MEIS2: variants seen among roughly 807,000 people sequenced by gnomAD.
MEIS2 encodes Meis homeobox 2, also known as homeobox protein Meis2.
Under a neutral mutation model 58.6 loss-of-function variants are expected in MEIS2, and 9 were observed. The ratio of observed to expected loss-of-function variants is 0.15; its 90% CI spans 0.09 to 0.27. The LOEUF is 0.27. MEIS2 is among the 10% of genes least tolerant of loss of function. MEIS2 has a pLI of 1.00. For missense variants in MEIS2, 427 were observed against 635.0 expected (o/e 0.67, Z 3.52); for synonymous variants, 221 against 228.4 (o/e 0.97, Z 0.29).
chr15:37,026,606 A>G (rs12913913), intron 8 of MEIS2, among the ~76,000 whole-genome samples: 16,450 of 152,144 alleles, frequency 0.11, 1,026 homozygotes, highest in East Asian at 0.28. Flanking sequence ...ATGTCAGGCA[A>G]ACCAGATATC....
intron 8 of MEIS2, among the ~76,000 whole-genome samples, chr15:36,997,148 T>G (rs1229666590): frequency 1.3e-5 from 2 of 152,246 alleles, no homozygotes; most frequent in Non-Finnish European, 2.9e-5. Context: ...TTACAAAAAT[T>G]GCCAGATGTG....
chr15:37,067,221 C>T (rs1436671224), intron 7 of MEIS2, among the ~76,000 whole-genome samples: 1 of 151,740 alleles, frequency 6.6e-6, no homozygotes, highest in Non-Finnish European at 1.5e-5. Flanking sequence ...TCCCAAGCAG[C>T]TGTGATTACA....
At chr15:36,931,889 G>A (rs567507491) in intron 9 of MEIS2, among the ~76,000 whole-genome samples, 2 of 152,144 alleles carry the variant, frequency 1.3e-5, no homozygotes, top group Non-Finnish European at 1.5e-5. Context: ...TAGATAGGCG[G>A]ACAGATAAAC....
upstream of MEIS2, among the ~76,000 whole-genome samples, chr15:37,100,715 GTGTA>G (rs551136774): frequency 2.6e-4 from 40 of 151,606 alleles, no homozygotes; most frequent in South Asian, 8.2e-3. Context: ...GTGAGTGTGT[GTGTA>G]TGTGTGTGCG....
At chr15:37,099,391 A>C in intron 1 of MEIS2, 64 bp downstream of exon 1, 1 of 1,608,770 alleles carries the variant, frequency 6.2e-7, no homozygotes. Flanking sequence ...GAGAGGAGGC[A>C]TCGGGACAGG....
intron 9 of MEIS2, among the ~76,000 whole-genome samples, chr15:36,946,983 G>C (rs561893156): frequency 6.6e-6 from 1 of 151,910 alleles, no homozygotes; most frequent in Non-Finnish European, 1.5e-5. Flanking sequence ...TATTTGGTTC[G>C]TTGCTATTCC....
intron 8 of MEIS2, among the ~76,000 whole-genome samples, chr15:37,030,889 C>A (rs923471579): frequency 6.6e-6 from 1 of 152,104 alleles, no homozygotes; most frequent in East Asian, 1.9e-4. Flanking sequence ...ATTCCTCCCA[C>A]CTCAGCCTCC....
chr15:36,992,261 C>T (rs1595883852), intron 8 of MEIS2, among the ~76,000 whole-genome samples: 1 of 151,886 alleles, frequency 6.6e-6, no homozygotes, highest in East Asian at 1.9e-4. Context: ...GTATTTCTTC[C>T]TCAATACTTA....
At chr15:36,999,416 A>G (rs1187706548) in intron 8 of MEIS2, among the ~76,000 whole-genome samples, 1 of 152,172 alleles carries the variant, frequency 6.6e-6, no homozygotes, top group Non-Finnish European at 1.5e-5. Flanking sequence ...GAACTGCCAC[A>G]ATGACACTTA....
At chr15:37,036,658 T>G in intron 8 of MEIS2, 156 bp downstream of exon 8, 1 of 754,326 alleles carries the variant, frequency 1.3e-6, no homozygotes, top group South Asian at 2.3e-5. Flanking sequence ...ATGGTAATAG[T>G]TGATGAAAAA....
At chr15:36,967,043 T>C (rs748779728) in intron 8 of MEIS2, among the ~76,000 whole-genome samples, 34 of 152,184 alleles carry the variant, frequency 2.2e-4, no homozygotes, top group Non-Finnish European at 4.4e-4. Flanking sequence ...TGGCACATAG[T>C]AATTAAGCAC....
chr15:36,989,282 A>C (rs756403881), intron 8 of MEIS2, among the ~76,000 whole-genome samples: 7 of 152,168 alleles, frequency 4.6e-5, no homozygotes, highest in Non-Finnish European at 1.0e-4. Context: ...TTTTCCTGTA[A>C]ATTTTCAGCC....
intron 8 of MEIS2, among the ~76,000 whole-genome samples, chr15:36,995,282 T>C (rs2060435513): frequency 6.6e-6 from 1 of 152,210 alleles, no homozygotes; most frequent in Admixed American, 6.5e-5. Flanking sequence ...TTTTCATGCA[T>C]TCCCACCCAT....
intron 8 of MEIS2, among the ~76,000 whole-genome samples, chr15:36,970,207 T>C (rs1398620205): frequency 2.6e-5 from 4 of 152,020 alleles, no homozygotes; most frequent in Non-Finnish European, 4.4e-5. Flanking sequence ...ATCCGGACCA[T>C]CCTGGCTAAC....
chr15:36,959,422 G>A lies in MEIS2; in HGVS notation c.901-9022C>T, dbSNP rs148490767. On this transcript the variant is annotated intron_variant, in intron 8 of 11. Coordinates refer to ENST00000561208, the MANE Select transcript of MEIS2 (RefSeq NM_170675.5). ...CCTTGAGAGTAGAGACTGGCTATCC[G>A]TACTTTACTACCAGAAGCTAGTTCA... Among the ~76,000 whole-genome samples, 588 of 152,202 alleles carry A rather than the reference G, an allele frequency of 3.9e-3. 2 individuals carry two copies. Among genetic ancestry groups the A allele is most frequent in the African/African-American group, 0.013 (550 of 41,504 alleles).
intron 2 of MEIS2, chr15:37,096,653 G>A: frequency 2.3e-6 from 1 of 427,846 alleles, no homozygotes; most frequent in South Asian, 5.2e-5. Context: ...CTCAGATCTG[G>A]CCAGAGAAGA....
chr15:36,944,509 C>A (rs189074018), intron 9 of MEIS2, among the ~76,000 whole-genome samples: 24 of 152,180 alleles, frequency 1.6e-4, no homozygotes, highest in African/African-American at 5.5e-4. Context: ...TGGATTCACA[C>A]CCCTTGGCAT....
chr15:37,002,997 T>C (rs1381224140), intron 8 of MEIS2, among the ~76,000 whole-genome samples: 4 of 152,168 alleles, frequency 2.6e-5, no homozygotes, highest in Admixed American at 2.6e-4. Context: ...TATAAAACCA[T>C]GTCTCCTGGA....
intron 8 of MEIS2, among the ~76,000 whole-genome samples, chr15:36,995,283 T>A (rs964923109): frequency 6.6e-6 from 1 of 152,198 alleles, no homozygotes. Context: ...TTTCATGCAT[T>A]CCCACCCATA....
Sources: gnomAD v4.1 joint callset for allele counts (sites outside exome capture counted in the v4.1 genomes callset) on GRCh38, gnomAD v4.1.1 for gene constraint, MANE v1.5 for transcripts, NCBI Gene and HGNC (gene_info 2026-07-23, HGNC 2026-07-21) for gene names.